Variants in ENPEP observed in about 807,000 individuals in gnomAD.
ENPEP encodes AP-A.
ENPEP carries 103 observed loss-of-function variants against 114.5 expected under a neutral mutation model. The ratio of observed to expected loss-of-function variants is 0.90; its 90% CI spans 0.77 to 1.06. The LOEUF (loss-of-function observed/expected upper bound fraction) is 1.06. Among genes scored for constraint, ENPEP ranks in the 50% least tolerant of loss-of-function variants. ENPEP has a pLI of 0.00. For synonymous variants in ENPEP, 420 were observed against 422.0 expected, an observed-to-expected ratio of 1.00 and a Z score of 0.06; for missense variants, 1,196 against 1,161.3, an observed-to-expected ratio of 1.03 and a Z score of -0.43.
At chr4:110,534,810 CTCTT>C (rs1002294487) in intron 11 of ENPEP, among the ~76,000 whole-genome samples, 13 of 151,730 alleles carry the variant, frequency 8.6e-5, no homozygotes, top group Non-Finnish European at 1.6e-4. Context: ...CGCCTGGCCT[CTCTT>C]TTTTTTTTCT....
At chr4:110,491,235 G>A in intron 3 of ENPEP, 71 bp downstream of exon 3, 1 of 1,039,884 alleles carries the variant, frequency 9.6e-7, no homozygotes, top group Non-Finnish European at 1.3e-6. Flanking sequence ...TTTTTGGGTA[G>A]TTTTTTTTTT....
intron 3 of ENPEP, among the ~76,000 whole-genome samples, chr4:110,501,434 C>T (rs1263488352): frequency 1.3e-5 from 2 of 152,106 alleles, no homozygotes; most frequent in Non-Finnish European, 2.9e-5. Flanking sequence ...TCACCCTCCT[C>T]CCTCTCTACT....
intron 11 of ENPEP, among the ~76,000 whole-genome samples, chr4:110,541,259 T>C (rs975769852): frequency 7.9e-5 from 12 of 152,142 alleles, no homozygotes; most frequent in Admixed American, 6.6e-4. Flanking sequence ...AAAACTACTG[T>C]GTCCTGGATA....
At chr4:110,518,130 C>T (rs1342143017) in intron 8 of ENPEP, among the ~76,000 whole-genome samples, 1 of 152,158 alleles carries the variant, frequency 6.6e-6, no homozygotes, top group Non-Finnish European at 1.5e-5. Context: ...CCAAACTCAA[C>T]CTCAAACAGC....
chr4:110,508,596 G>A (rs1725458967), intron 4 of ENPEP, among the ~76,000 whole-genome samples: 1 of 152,202 alleles, frequency 6.6e-6, no homozygotes, highest in African/African-American at 2.4e-5. Flanking sequence ...TGGATCACGA[G>A]GTCAGGAGAT....
At chr4:110,493,609 C>G (rs1724807328) in intron 3 of ENPEP, among the ~76,000 whole-genome samples, 1 of 152,142 alleles carries the variant, frequency 6.6e-6, no homozygotes, top group African/African-American at 2.4e-5. Context: ...AAAAGTTGAA[C>G]AGAACCTAAT....
chr4:110,508,269 C>CAAAAAAAAAAAAAAAAAAAAA (rs11451516), intron 4 of ENPEP, among the ~76,000 whole-genome samples: 1 of 109,352 alleles, frequency 9.1e-6, no homozygotes, highest in Non-Finnish European at 1.9e-5. Flanking sequence ...CAGTACTGAC[C>CAAAAAAAAAAAAAAAAAAAAA]AAAAAAAAAA....
At chr4:110,558,678 G>C (rs1253060892) in intron 18 of ENPEP, among the ~76,000 whole-genome samples, 3 of 152,062 alleles carry the variant, frequency 2.0e-5, no homozygotes, top group East Asian at 1.9e-4. Context: ...AGGGGTTTAA[G>C]GTTTATATAT....
chr4:110,541,224 TG>T (rs1208752803), intron 11 of ENPEP, among the ~76,000 whole-genome samples: 3 of 152,136 alleles, frequency 2.0e-5, no homozygotes, highest in Non-Finnish European at 4.4e-5. Context: ...ATTGTCTTGT[TG>T]GAGAGGTTAC....
chr4:110,494,501 C>T (rs1724852479), intron 3 of ENPEP, among the ~76,000 whole-genome samples: 1 of 152,174 alleles, frequency 6.6e-6, no homozygotes, highest in African/African-American at 2.4e-5. Flanking sequence ...TCAGATTATA[C>T]TATGCAATCT....
intron 11 of ENPEP, among the ~76,000 whole-genome samples, chr4:110,542,497 A>T (rs1325396566): frequency 1.3e-5 from 2 of 152,108 alleles, no homozygotes; most frequent in Non-Finnish European, 2.9e-5. Flanking sequence ...TTCTGCCAGT[A>T]AAAACTATCC....
At chr4:110,499,402 T>A (rs546139963) in intron 3 of ENPEP, among the ~76,000 whole-genome samples, 1 of 152,332 alleles carries the variant, frequency 6.6e-6, no homozygotes, top group South Asian at 2.1e-4. Flanking sequence ...AAACAAACTT[T>A]GTCCTGAACT....
intron 10 of ENPEP, among the ~76,000 whole-genome samples, chr4:110,526,957 A>G (rs1329678489): frequency 1.3e-5 from 2 of 152,184 alleles, no homozygotes; most frequent in African/African-American, 4.8e-5. Flanking sequence ...CTTTTAGAAT[A>G]TTGTTCTCAT....
chr4:110,532,658 T>G (rs1241249089), intron 11 of ENPEP, among the ~76,000 whole-genome samples: 1 of 152,200 alleles, frequency 6.6e-6, no homozygotes, highest in Admixed American at 6.5e-5. Flanking sequence ...TTTGTGATTT[T>G]TTTTTACTAT....
chr4:110,482,929 A>C (rs1442549712), intron 1 of ENPEP, among the ~76,000 whole-genome samples: 2 of 152,264 alleles, frequency 1.3e-5, no homozygotes, highest in African/African-American at 4.8e-5. Flanking sequence ...GAATTGCTTG[A>C]ACCCAGGAGG....
At chr4:110,555,772 G>A (rs1311830088) in intron 18 of ENPEP, among the ~76,000 whole-genome samples, 1 of 151,524 alleles carries the variant, frequency 6.6e-6, no homozygotes, top group Non-Finnish European at 1.5e-5. Context: ...TTATTTCTTT[G>A]GATAACATAA....
rs139468877 is a variant in ENPEP at position 110,493,412 on chromosome 4, C to T, written c.918+2248C>T. ...AACATAATATTGTTTTAATACATTA[C>T]TGTCCAATCATCTATTTTATAAGAG... On this transcript the variant is annotated intron_variant, in intron 3 of 19. Coordinates refer to ENST00000265162, the MANE Select transcript of ENPEP (RefSeq NM_001977.4). Among the ~76,000 whole-genome samples the T allele has an allele frequency of 3.2e-3, 487 of 152,302 alleles. 2 individuals are homozygous for T. Among genetic ancestry groups the T allele is most frequent in the African/African-American group, 0.011 (450 of 41,564 alleles).
chr4:110,519,535 A>C lies in ENPEP; in HGVS notation c.1510-473A>C, dbSNP rs1366063225. 3 of 162,654 alleles carry C rather than the reference A, an allele frequency of 1.8e-5. No homozygotes were observed. In the East Asian group the frequency reaches 5.1e-4, roughly 28 times the overall value. The allele number at this position is 162,654 out of a possible 1,614,324, so 10.1% of individuals were successfully genotyped here. The stretch of plus-strand genomic sequence containing the variant: ...TTTTGTAAAGAAAATTGCCAAAAGA[A>C]GCTTAAATCTAAAAGACTTGTACTT... On this transcript the variant is annotated intron_variant, in intron 8 of 19. Transcript: ENST00000265162.
Position 110,476,850 on chromosome 4 carries a change from G to A in ENPEP, c.436G>A (p.Glu146Lys). ...LRETRITRLPELKRPSGDQVQ... is the reference protein window; with the variant it reads ...LRETRITRLPKLKRPSGDQVQ... ...GGAGACCAGGATCACCCGGCTCCCG[G>A]AGCTGAAGAGGCCCTCTGGGGACCA... is the stretch of plus-strand genomic sequence containing the variant. Residue 146 changes from glutamate to lysine, a missense_variant, in exon 1 of 20, where the codon GAG becomes AAG. By Grantham distance (56) the Glu-to-Lys change is moderately conservative. Transcript: ENST00000265162. The A allele has an allele frequency of 6.2e-7, 1 of 1,614,122 alleles. No homozygotes were observed. Among genetic ancestry groups the A allele is most frequent in the Admixed American group, 1.7e-5 (1 of 60,032 alleles).
Sources: allele counts gnomAD v4.1 joint callset (sites outside exome capture counted in the v4.1 genomes callset), GRCh38; gene constraint gnomAD v4.1.1; transcripts MANE v1.5; gene names NCBI Gene and HGNC (gene_info 2026-07-23, HGNC 2026-07-21).